MFSD6L: variants seen among roughly 807,000 people sequenced by gnomAD.
The protein encoded by MFSD6L is major facilitator superfamily domain-containing protein 6-like.
In MFSD6L, 9 loss-of-function variants were observed where a neutral mutation model predicts 6.4. The ratio of observed to expected loss-of-function variants is 1.42; its 90% CI spans 0.85 to 2.47. MFSD6L has a LOEUF of 2.47. Ranked by LOEUF, MFSD6L falls within the 30% of genes most tolerant of loss-of-function variation. MFSD6L has a pLI of 0.00. For missense variants in MFSD6L, 747 were observed against 730.6 expected, an observed-to-expected ratio of 1.02 and a Z score of -0.26; for synonymous variants, 336 against 322.4, an observed-to-expected ratio of 1.04 and a Z score of -0.45.
In MFSD6L at chr17:8,798,649, C is replaced by T. The variant is rs770680553; in HGVS notation, c.472G>A (p.Gly158Ser). Residue 158 changes from glycine to serine, a missense_variant, in exon 1 of 1, where the codon GGT becomes AGT. Transcript: ENST00000329805. Reference protein sequence around the residue: ...VEMPGFRNPPGESDRETFRDL... With the variant: ...VEMPGFRNPPSESDRETFRDL... ...CGGAAAGTTTCTCGGTCACTTTCACCAGGTGGGTTTCTGAAGCCAGGCATT... is the reference window on the plus strand; with the variant it reads ...CGGAAAGTTTCTCGGTCACTTTCACTAGGTGGGTTTCTGAAGCCAGGCATT... 3.7e-6 allele frequency: 6 copies of T among 1,614,036 alleles called. No individual in the cohort carries two copies. In the African/African-American group the frequency reaches 6.7e-5, roughly 18 times the overall value.
chr17:8,798,630 GT>G lies in MFSD6L; in HGVS notation c.490del (p.Thr164LeufsTer9). On this transcript the variant is annotated frameshift_variant, in exon 1 of 1. Transcript: ENST00000329805. LOFTEE classifies it low-confidence loss of function (END_TRUNC). ...RNPPGESDRETFRDLHVYLAP... is the reference protein window; with the variant it reads ...RNPPGESDREXFRDLHVYLAP... ...TAAGTAGACGTGCAGATCACGGAAAGTTTCTCGGTCACTTTCACCAGGTGGG... is the reference window on the plus strand; with the variant it reads ...TAAGTAGACGTGCAGATCACGGAAAGTTCTCGGTCACTTTCACCAGGTGGG... 6.2e-7 allele frequency: 1 copy of G among 1,614,102 alleles called. No individual in the cohort carries two copies. The highest frequency in any genetic ancestry group is 8.5e-7 in the Non-Finnish European group (1 of 1,180,012).
rs775836755 is a variant in MFSD6L at position 8,799,010 on chromosome 17, G to C, written c.111C>G (p.Tyr37Ter). ...GCGCGGCCAAGCCCAGCTGCCTCAG[G>C]TAAAGGGTCAGGAACGGGGTCACGC... The part of the protein sequence containing the change: ...EACVTPFLTL[Y>*]LRQLGLAAPW... Residue 37 changes from tyrosine (Y) to a stop codon, truncating the protein, a stop_gained, in exon 1 of 1, where the codon TAC becomes TAG. Coordinates refer to ENST00000329805, the MANE Select transcript of MFSD6L (RefSeq NM_152599.4). LOFTEE classifies it low-confidence loss of function (END_TRUNC). This position sits in a 1 kb window ranked among gnomAD's most constrained non-coding sequence, Gnocchi z 5.3. 2 of 1,613,750 alleles carry C rather than the reference G, an allele frequency of 1.2e-6. No individual in the cohort carries two copies. Among genetic ancestry groups the C allele is most frequent in the South Asian group, 1.1e-5 (1 of 91,066 alleles).
rs1199410907 is a variant in MFSD6L at position 8,798,274 on chromosome 17, G to A, written c.847C>T (p.Arg283Ter). 6 of 1,608,010 alleles carry A rather than the reference G, an allele frequency of 3.7e-6. No individual in the cohort carries two copies. The highest frequency in any genetic ancestry group is 5.1e-6 in the Non-Finnish European group (6 of 1,179,978). ...CTCCAGACCCACAGGCTTCTGTATC[G>A]GTCAGTGGCATCCACAAAATCCAGG... ...EFLDFVDATD[R>*]YRSLWVWRLL... The change falls in exon 1 of 1, where the codon CGA becomes TGA. Residue 283 changes from arginine to a stop codon, truncating the protein, a stop_gained. Coordinates refer to ENST00000329805, the MANE Select transcript of MFSD6L (RefSeq NM_152599.4). LOFTEE classifies it low-confidence loss of function (END_TRUNC).
rs149431404 is a variant in MFSD6L, at chr17:8,797,476, G to A, written c.1645C>T (p.Arg549Trp). 66 of 1,613,898 alleles carry A rather than the reference G, an allele frequency of 4.1e-5. No individual in the cohort carries two copies. The highest frequency in any genetic ancestry group is 1.1e-4 in the African/African-American group (8 of 74,900). ...LSIQRRLPRE[R>W]KIKYSKLLSM... ...AGCAGCTTCGAGTACTTGATTTTCC[G>A]CTCTCGGGGCAGCCTCCGCTGTATG... is the stretch of plus-strand genomic sequence containing the variant. Residue 549 changes from arginine to tryptophan, a missense_variant, in exon 1 of 1, where the codon CGG (arginine) becomes TGG (tryptophan). Coordinates refer to ENST00000329805, the MANE Select transcript of MFSD6L (RefSeq NM_152599.4).
chr17:8,798,852 G>C lies in MFSD6L; in HGVS notation c.269C>G (p.Ala90Gly). Residue 90 changes from alanine (A) to glycine (G), a missense_variant, in exon 1 of 1, where the codon GCC becomes GGC. Ala to Gly is a moderately conservative substitution (Grantham distance 60). Coordinates refer to ENST00000329805, the MANE Select transcript of MFSD6L (RefSeq NM_152599.4). Reference protein sequence around the residue: ...LIGSLLGSVGASLLMVLVPPV... With the variant: ...LIGSLLGSVGGSLLMVLVPPV... ...TGGGACCAGGACCATCAGCAGGCTG[G>C]CCCCCACCGAGCCGAGCAGGGAGCC... 1 of 1,613,984 alleles carries C rather than the reference G, an allele frequency of 6.2e-7. No individual in the cohort carries two copies. Among genetic ancestry groups the C allele is most frequent in the Non-Finnish European group, 8.5e-7 (1 of 1,180,030 alleles).
rs2087017256 is a variant in MFSD6L at position 8,798,259 on chromosome 17, A to C, written c.862T>G (p.Trp288Gly). The change falls in exon 1 of 1, where the codon TGG becomes GGG. Residue 288 changes from tryptophan (W) to glycine (G), a missense_variant. Physicochemically the swap from Trp to Gly is radical, Grantham distance 184. Transcript: ENST00000329805. ...GACATGCCCAGCAACCTCCAGACCCACAGGCTTCTGTATCGGTCAGTGGCA... is the reference window on the plus strand; with the variant it reads ...GACATGCCCAGCAACCTCCAGACCCCCAGGCTTCTGTATCGGTCAGTGGCA... The part of the protein sequence containing the change: ...VDATDRYRSL[W>G]VWRLLGMSAG... 3.1e-6 allele frequency: 5 copies of C among 1,608,874 alleles called. No individual in the cohort carries two copies. Among genetic ancestry groups the C allele is most frequent in the Non-Finnish European group, 4.2e-6 (5 of 1,179,988 alleles).
rs1567554005 is a variant in MFSD6L, at chr17:8,797,980, T to A, written c.1141A>T (p.Ile381Phe). 1.2e-6 allele frequency: 2 copies of A among 1,613,924 alleles called. No individual in the cohort carries two copies. The highest frequency in any genetic ancestry group is 1.7e-6 in the Non-Finnish European group (2 of 1,180,008). ...LASTTVLVGA[I>F]VSTVQNFLFW... is the part of the protein sequence containing the mutation. ...AGAAAGTTCTGGACAGTACTGACGATGGCTCCTACCAAAACAGTGGTGGAG... is the reference window on the plus strand; with the variant it reads ...AGAAAGTTCTGGACAGTACTGACGAAGGCTCCTACCAAAACAGTGGTGGAG... Residue 381 changes from isoleucine to phenylalanine, a missense_variant, in exon 1 of 1, where the codon ATC (isoleucine) becomes TTC (phenylalanine). By Grantham distance (21) the Ile-to-Phe change is conservative (BLOSUM62 0). Transcript: ENST00000329805.
rs1724056870 is a variant in MFSD6L, at chr17:8,799,229, G to A, written c.-109C>T. 4 of 988,466 alleles carry A rather than the reference G, an allele frequency of 4.0e-6. No individual in the cohort carries two copies. The highest frequency in any genetic ancestry group is 3.5e-5 in the Admixed American group (1 of 28,748). 61.2% of individuals were successfully genotyped at this position (988,466 alleles called of 1,614,324 possible). On this transcript the variant is annotated 5_prime_UTR_variant, in exon 1 of 1. Transcript: ENST00000329805. This position sits in a 1 kb window ranked among gnomAD's most constrained non-coding sequence, Gnocchi z 5.3. ...GGCTTGGGGGACCGGGGCTCGGAGC[G>A]AGTGGGACTGCGCCCCCGGTCTGGG... is the stretch of plus-strand genomic sequence containing the variant.
At position 8,797,918 on chromosome 17, in the gene MFSD6L, C is replaced by T. The variant is rs150361670; in HGVS notation, c.1203G>A (p.Leu401=). Reference sequence around the variant, plus strand: ...TGAGGGCGACCGAGAAACCCATGACCAGCTCGCCGCTCCCATGGTCCTTCA... The same window carrying T: ...TGAGGGCGACCGAGAAACCCATGACTAGCTCGCCGCTCCCATGGTCCTTCA... ...WHMKDHGSGE[L]VMGFSVALSL... The change falls in exon 1 of 1, where the codon CTG becomes CTA. Residue 401 remains leucine, a synonymous_variant. Transcript: ENST00000329805. 4.3e-4 allele frequency: 687 copies of T among 1,614,054 alleles called. 2 individuals are homozygous for T. The African/African-American group carries it at 8.3e-3, about 20-fold the overall frequency.
chr17:8,798,980 C>G lies in MFSD6L; in HGVS notation c.141G>C (p.Trp47Cys), dbSNP rs1375825342. Reference protein sequence around the residue: ...YLRQLGLAAPWVGTLMGTKHL... With the variant: ...YLRQLGLAAPCVGTLMGTKHL... ...GCTTGGTTCCCATTAGGGTGCCCACCCAGGGCGCGGCCAAGCCCAGCTGCC... is the reference window on the plus strand; with the variant it reads ...GCTTGGTTCCCATTAGGGTGCCCACGCAGGGCGCGGCCAAGCCCAGCTGCC... The change falls in exon 1 of 1, where the codon TGG becomes TGC. Residue 47 changes from tryptophan to cysteine, a missense_variant. Coordinates refer to ENST00000329805, the MANE Select transcript of MFSD6L (RefSeq NM_152599.4). 1 of 1,613,886 alleles carries G rather than the reference C, an allele frequency of 6.2e-7. No individual in the cohort carries two copies. The highest frequency in any genetic ancestry group is 1.1e-5 in the South Asian group (1 of 91,074).
rs889828337 is a variant in MFSD6L, at chr17:8,797,240, C to T, written c.*120G>A. On this transcript the variant is annotated 3_prime_UTR_variant, in exon 1 of 1. Coordinates refer to ENST00000329805, the MANE Select transcript of MFSD6L (RefSeq NM_152599.4). Reference sequence around the variant, plus strand: ...GATCCTGTTGGGCCTTCAGCACAGACCCATCCTCTCTTCCCCGGCTCCCAG... The same window carrying T: ...GATCCTGTTGGGCCTTCAGCACAGATCCATCCTCTCTTCCCCGGCTCCCAG... 5 of 860,410 alleles carry T rather than the reference C, an allele frequency of 5.8e-6. No homozygotes were observed. The highest frequency in any genetic ancestry group is 8.7e-6 in the Non-Finnish European group (5 of 577,790). The allele number at this position is 860,410 out of a possible 1,614,324, so 53.3% of individuals were successfully genotyped here.
Position 8,798,580 on chromosome 17 carries a change from TCCTAGCTCCTTCAACGGAGGG to T in MFSD6L, c.520_540del (p.Pro174_Arg180del). On this transcript the variant is annotated inframe_deletion, in exon 1 of 1. Coordinates refer to ENST00000329805, the MANE Select transcript of MFSD6L (RefSeq NM_152599.4). ...GGATGGAGGAGAGCTTGGGATGTGGTCCTAGCTCCTTCAACGGAGGGCGCTAAGTAGACGTGCAGATCACGG... is the reference window on the plus strand; with the variant it reads ...GGATGGAGGAGAGCTTGGGATGTGGTCGCTAAGTAGACGTGCAGATCACGG... 1 of 1,614,066 alleles carries T rather than the reference TCCTAGCTCCTTCAACGGAGGG, an allele frequency of 6.2e-7. No homozygotes were observed. The highest frequency in any genetic ancestry group is 8.5e-7 in the Non-Finnish European group (1 of 1,180,020).
Position 8,797,977 on chromosome 17 carries a change from C to A in MFSD6L, c.1144G>T (p.Val382Phe). The change falls in exon 1 of 1, where the codon GTC (valine) becomes TTC (phenylalanine). Residue 382 changes from valine (V) to phenylalanine (F), a missense_variant. Transcript: ENST00000329805. The stretch of plus-strand genomic sequence containing the variant: ...AACAGAAAGTTCTGGACAGTACTGA[C>A]GATGGCTCCTACCAAAACAGTGGTG... ...ASTTVLVGAI[V>F]STVQNFLFWH... The A allele has an allele frequency of 6.2e-7, 1 of 1,613,978 alleles. No homozygotes were observed. The highest frequency in any genetic ancestry group is 2.2e-5 in the East Asian group (1 of 44,874).
Position 8,799,144 on chromosome 17 carries a change from G to T in MFSD6L, c.-24C>A. 1 of 1,520,330 alleles carries T rather than the reference G, an allele frequency of 6.6e-7. No homozygotes were observed. The highest frequency in any genetic ancestry group is 2.3e-5 in the East Asian group (1 of 43,700). The allele number at this position is 1,520,330 out of a possible 1,614,324, so 94.2% of individuals were successfully genotyped here. ...ATGGCTGCCGGGCTCTGTCAGGCCT[G>T]GGCCGACGGAGGGCGGAGCTGGGCG... On this transcript the variant is annotated 5_prime_UTR_variant, in exon 1 of 1. Transcript: ENST00000329805. The surrounding 1 kb of genome is among the most constrained non-coding windows in gnomAD (Gnocchi z 5.3).
chr17:8,798,222 C>CA lies in MFSD6L; in HGVS notation c.898dup (p.Cys300LeufsTer66). 1 of 1,611,246 alleles carries CA rather than the reference C, an allele frequency of 6.2e-7. No individual in the cohort carries two copies. Among genetic ancestry groups the CA allele is most frequent in the Non-Finnish European group, 8.5e-7 (1 of 1,180,004 alleles). ...CTGCCCCACCAAGGCTGTGATGCCA[C>CA]ACACGCCTGCCGACATGCCCAGCAA... is the stretch of plus-strand genomic sequence containing the variant. On this transcript the variant is annotated frameshift_variant, in exon 1 of 1. Transcript: ENST00000329805. LOFTEE classifies it low-confidence loss of function (END_TRUNC).
chr17:8,797,991 A>C lies in MFSD6L; in HGVS notation c.1130T>G (p.Leu377Trp). ...GACAGTACTGACGATGGCTCCTACC[A>C]AAACAGTGGTGGAGGCGAGGAGAAT... ...HLILLASTTV[L>W]VGAIVSTVQN... The change falls in exon 1 of 1, where the codon TTG (leucine) becomes TGG (tryptophan). Residue 377 changes from leucine to tryptophan, a missense_variant. By Grantham distance (61) the Leu-to-Trp change is moderately conservative. Coordinates refer to ENST00000329805, the MANE Select transcript of MFSD6L (RefSeq NM_152599.4). 1 of 1,613,956 alleles carries C rather than the reference A, an allele frequency of 6.2e-7. No homozygotes were observed.
chr17:8,798,708 G>C lies in MFSD6L; in HGVS notation c.413C>G (p.Ser138Cys), dbSNP rs750932704. 2.7e-5 allele frequency: 44 copies of C among 1,613,928 alleles called. No individual in the cohort carries two copies. Among genetic ancestry groups the C allele is most frequent in the Middle Eastern group, 3.3e-4 (2 of 6,084 alleles). The change falls in exon 1 of 1, where the codon TCC becomes TGC. Residue 138 changes from serine to cysteine, a missense_variant. Transcript: ENST00000329805. ...VNITSAQESA[S>C]SHPAKRTAEV... ...TGCAGTCCTCTTGGCTGGGTGGCTG[G>C]AGGCAGACTCTTGGGCCGAGGTGAT...
rs760890720 is a variant in MFSD6L at position 8,797,783 on chromosome 17, C to A, written c.1338G>T (p.Leu446=). ...ACCAGCTCCAGAGGAAAGAGTAGTA[C>A]AGCAGCTGCCCAGCGAGGCAGCTCA... ...LGLSCLAGQL[L]YYSFLWSWWS... is the part of the protein sequence containing the mutation. The change falls in exon 1 of 1, where the codon CTG becomes CTT. Residue 446 remains leucine (L), a synonymous_variant. Coordinates refer to ENST00000329805, the MANE Select transcript of MFSD6L (RefSeq NM_152599.4). 6.2e-7 allele frequency: 1 copy of A among 1,613,896 alleles called. No individual in the cohort carries two copies. Among genetic ancestry groups the A allele is most frequent in the African/African-American group, 1.3e-5 (1 of 74,894 alleles).
chr17:8,799,166 G>A lies in MFSD6L; in HGVS notation c.-46C>T, dbSNP rs2087025162. 6.7e-7 allele frequency: 1 copy of A among 1,491,322 alleles called. No individual in the cohort carries two copies. The allele number at this position is 1,491,322 out of a possible 1,614,324, so 92.4% of individuals were successfully genotyped here. Reference sequence around the variant, plus strand: ...CCTGGGCCGACGGAGGGCGGAGCTGGGCGCAGGGCGGGCGCGGCCCCAGGT... The same window carrying A: ...CCTGGGCCGACGGAGGGCGGAGCTGAGCGCAGGGCGGGCGCGGCCCCAGGT... On this transcript the variant is annotated 5_prime_UTR_variant, in exon 1 of 1. Coordinates refer to ENST00000329805, the MANE Select transcript of MFSD6L (RefSeq NM_152599.4). This position sits in a 1 kb window ranked among gnomAD's most constrained non-coding sequence, Gnocchi z 5.3.
Sources: allele counts gnomAD v4.1 joint callset, GRCh38; gene constraint gnomAD v4.1.1; non-coding constraint Gnocchi (gnomAD v3.1); transcripts MANE v1.5; gene names NCBI Gene and HGNC (gene_info 2026-07-23, HGNC 2026-07-21).